TRPC5: variants seen among roughly 807,000 people sequenced by gnomAD.
TRPC5 encodes the protein short transient receptor potential channel 5.
TRPC5 carries 9 observed loss-of-function variants against 56.5 expected under a neutral mutation model. That is an observed-to-expected ratio of 0.16 (90% CI 0.10 to 0.28). The LOEUF (loss-of-function observed/expected upper bound fraction) is 0.28, where lower values mean the gene tolerates loss of function less well. Ranked by LOEUF, TRPC5 falls within the 10% of genes least tolerant of loss-of-function variation. The pLI is 1.00. For synonymous variants in TRPC5, 282 were observed against 278.5 expected, an observed-to-expected ratio of 1.01 and a Z score of -0.13; for missense variants, 469 against 748.9, an observed-to-expected ratio of 0.63 and a Z score of 4.36.
intron 7 of TRPC5, among the ~76,000 whole-genome samples, chrX:111,789,218 T>C (rs996413099): frequency 7.3e-4 from 81 of 111,233 alleles, no homozygotes; most frequent in African/African-American, 2.6e-3. Flanking sequence ...AAAACAGATA[T>C]ATAGACCAAT....
chrX:111,888,184 C>A (rs768452745), intron 3 of TRPC5, among the ~76,000 whole-genome samples: 2 of 111,377 alleles, frequency 1.8e-5, no homozygotes, highest in Non-Finnish European at 3.8e-5. Flanking sequence ...TGAGGAATGA[C>A]AGACCAGAGC....
intron 2 of TRPC5, among the ~76,000 whole-genome samples, chrX:111,938,401 G>A (rs1286674802): frequency 9.3e-6 from 1 of 107,230 alleles, no homozygotes; most frequent in African/African-American, 3.5e-5. Flanking sequence ...GGAGTGGTGA[G>A]AGAAGGCATC....
intron 1 of TRPC5, among the ~76,000 whole-genome samples, chrX:112,078,831 C>T (rs1271421783): frequency 8.9e-6 from 1 of 111,849 alleles, no homozygotes; most frequent in African/African-American, 3.3e-5. Context: ...GGCAGTATGG[C>T]TCTGCTGGTC....
chrX:111,781,550 C>G (rs1365557392), intron 8 of TRPC5, among the ~76,000 whole-genome samples: 2 of 111,487 alleles, frequency 1.8e-5, no homozygotes, highest in Non-Finnish European at 3.8e-5. Context: ...ATAGTGAAAC[C>G]CTGTCTCTAC....
chrX:112,049,394 A>AGGCTT (rs1476695290), intron 1 of TRPC5, among the ~76,000 whole-genome samples: 1 of 107,969 alleles, frequency 9.3e-6, no homozygotes, highest in African/African-American at 3.4e-5. Flanking sequence ...GAGACAAAGC[A>AGGCTT]TGTATTACAG....
intron 1 of TRPC5, among the ~76,000 whole-genome samples, chrX:112,081,218 G>A (rs1930956936): frequency 8.9e-6 from 1 of 112,084 alleles, no homozygotes; most frequent in South Asian, 3.8e-4. Context: ...TGCATATGTG[G>A]GACATGATCA....
intron 1 of TRPC5, among the ~76,000 whole-genome samples, chrX:111,955,945 G>A (rs929293116): frequency 5.3e-5 from 6 of 112,301 alleles, no homozygotes; most frequent in East Asian, 2.8e-4. Flanking sequence ...GAACCCGCTC[G>A]CAATGTAGTT....
intron 3 of TRPC5, chrX:111,903,384 G>A (rs1246346205): frequency 2.7e-5 from 3 of 112,103 alleles, no homozygotes; most frequent in Non-Finnish European, 5.6e-5. Flanking sequence ...ACAGTTATGC[G>A]ACGGTTTATG....
intron 3 of TRPC5, among the ~76,000 whole-genome samples, chrX:111,867,101 C>T (rs934710685): frequency 2.7e-5 from 3 of 111,511 alleles, no homozygotes; most frequent in South Asian, 3.8e-4. Context: ...TGTGTTCAGA[C>T]GCCCACATAA....
chrX:111,861,010 T>C (rs1479786421), intron 3 of TRPC5, among the ~76,000 whole-genome samples: 1 of 112,266 alleles, frequency 8.9e-6, no homozygotes, highest in African/African-American at 3.2e-5. Context: ...TGTTTTGTTT[T>C]GTTTTGCCAA....
chrX:111,916,326 G>A (rs1925974743), intron 2 of TRPC5, among the ~76,000 whole-genome samples: 1 of 111,368 alleles, frequency 9.0e-6, no homozygotes, highest in African/African-American at 3.3e-5. Context: ...TCACAAACTT[G>A]GGACATTTCT....
chrX:111,842,675 A>G (rs1270353201), intron 6 of TRPC5, among the ~76,000 whole-genome samples: 4 of 112,354 alleles, frequency 3.6e-5, no homozygotes, highest in Non-Finnish European at 7.5e-5. Flanking sequence ...ATAAAGACTC[A>G]GAAAGACTTC....
At position 111,773,908 on chromosome X, in the gene TRPC5, A is replaced by G. The variant is rs1365299541; in HGVS notation, c.*2405T>C. On this transcript the variant is annotated 3_prime_UTR_variant, in exon 11 of 11. Coordinates refer to ENST00000262839, the MANE Select transcript of TRPC5 (RefSeq NM_012471.3). ...GTGAACAAAATCTTTTTCCTTTCCT[A>G]CTTTGTACTGAATTAGAGTTAATAA... Among the ~76,000 whole-genome samples, 1 of 111,467 alleles carries G rather than the reference A, an allele frequency of 9.0e-6. No homozygotes were observed. Among genetic ancestry groups the G allele is most frequent in the Non-Finnish European group, 1.9e-5 (1 of 53,018 alleles).
intron 1 of TRPC5, among the ~76,000 whole-genome samples, chrX:111,994,280 T>C (rs921595993): frequency 9.0e-6 from 1 of 111,268 alleles, no homozygotes; most frequent in East Asian, 2.8e-4. Flanking sequence ...TTTGGTACCA[T>C]TACCATGCTG....
rs1927528822 is a variant in TRPC5, at chrX:111,965,294, C to A, written c.-21-12853G>T. ...GCTAACTATCCTAAATATATATGCA[C>A]CCAATACAGGAGCACCCAAATTCAT... On this transcript the variant is annotated intron_variant, in intron 1 of 10. Coordinates refer to ENST00000262839, the MANE Select transcript of TRPC5 (RefSeq NM_012471.3). Among the ~76,000 whole-genome samples the A allele has an allele frequency of 3.6e-5, 4 of 111,997 alleles. No homozygotes were observed. The South Asian group carries it at 1.5e-3, about 42-fold the overall frequency.
rs905386723 is a variant in TRPC5 at position 111,807,956 on chromosome X, C to CTCTGTG, written c.1897-25819_1897-25818insCACAGA. Among the ~76,000 whole-genome samples, 613 of 91,917 alleles carry CTCTGTG rather than the reference C, an allele frequency of 6.7e-3. 8 individuals carry two copies. The highest frequency in any genetic ancestry group is 0.026 in the African/African-American group (516 of 19,865). 79.8% of individuals were successfully genotyped at this position (91,917 alleles called of 115,157 possible). A position where few individuals can be genotyped will look rare whatever the true frequency, so the allele number is the denominator to read the frequency against. ...AAATGGAGTCTCTCTCTCTCTCTCT[C>CTCTGTG]TGTGTGTGTGTGTGTGTGTGTGTGT... On this transcript the variant is annotated intron_variant, in intron 7 of 10. Coordinates refer to ENST00000262839, the MANE Select transcript of TRPC5 (RefSeq NM_012471.3).
At chrX:112,060,293 A>T (rs2147739187) in intron 1 of TRPC5, among the ~76,000 whole-genome samples, 1 of 111,977 alleles carries the variant, frequency 8.9e-6, no homozygotes, top group African/African-American at 3.2e-5. Flanking sequence ...GAATGACAAA[A>T]TTATATACCA....
intron 1 of TRPC5, among the ~76,000 whole-genome samples, chrX:111,983,925 A>G (rs1267958549): frequency 9.0e-6 from 1 of 111,495 alleles, no homozygotes; most frequent in Non-Finnish European, 1.9e-5. Flanking sequence ...TATTTGGGCC[A>G]CTTCTTCATT....
At chrX:111,976,052 AG>A (rs1927918149) in intron 1 of TRPC5, among the ~76,000 whole-genome samples, 1 of 112,565 alleles carries the variant, frequency 8.9e-6, no homozygotes, top group South Asian at 3.6e-4. Context: ...AGAATAAAAA[AG>A]CTGCATGATC....
Sources: allele counts gnomAD v4.1 joint callset (sites outside exome capture counted in the v4.1 genomes callset), GRCh38; gene constraint gnomAD v4.1.1; transcripts MANE v1.5; gene names NCBI Gene and HGNC (gene_info 2026-07-23, HGNC 2026-07-21).